The following NCAM2 variants were observed in gnomAD, a reference collection of about 807,000 sequenced individuals.
NCAM2 encodes the protein N-CAM-2.
A neutral mutation model predicts 98.1 loss-of-function variants in NCAM2; 30 were observed. The ratio of observed to expected loss-of-function variants is 0.31; its 90% confidence interval spans 0.23 to 0.41. The LOEUF (loss-of-function observed/expected upper bound fraction) is 0.41, where lower values mean the gene tolerates loss of function less well. Ranked by LOEUF, NCAM2 falls within the 10% of genes least tolerant of loss-of-function variation. NCAM2 has a pLI of 1.00. For missense variants in NCAM2, 867 were observed against 1,005.8 expected, an observed-to-expected ratio of 0.86 and a Z score of 1.87; for synonymous variants, 368 against 342.4, an observed-to-expected ratio of 1.07 and a Z score of -0.83.
At chr21:21,323,660 A>G (rs985048566) in intron 5 of NCAM2, among the ~76,000 whole-genome samples, 2 of 152,202 alleles carry the variant, frequency 1.3e-5, no homozygotes, top group African/African-American at 4.8e-5. Context: ...CAGTTTCAAC[A>G]TGTTCCAAAT....
chr21:21,030,481 T>A (rs1186484276), intron 1 of NCAM2, among the ~76,000 whole-genome samples: 2 of 152,216 alleles, frequency 1.3e-5, no homozygotes, highest in East Asian at 3.8e-4. Flanking sequence ...TTTTAAGGGC[T>A]CTTGGGATTG....
At chr21:21,051,316 C>T (rs911740332) in intron 1 of NCAM2, among the ~76,000 whole-genome samples, 10 of 152,168 alleles carry the variant, frequency 6.6e-5, no homozygotes, top group African/African-American at 9.7e-5. Flanking sequence ...ACTTCTCCTT[C>T]CCAATTCTGC....
chr21:21,413,415 A>T (rs537625071), intron 10 of NCAM2, among the ~76,000 whole-genome samples: 16 of 152,332 alleles, frequency 1.1e-4, no homozygotes, highest in Admixed American at 2.6e-4. Flanking sequence ...TTATATTTAG[A>T]TATTCAAAAC....
intron 1 of NCAM2, among the ~76,000 whole-genome samples, chr21:21,241,790 A>T (rs1452973348): frequency 6.6e-6 from 1 of 152,102 alleles, no homozygotes; most frequent in African/African-American, 2.4e-5. Context: ...GGGTCTGCAT[A>T]GAGAACATTT....
chr21:21,515,267 C>T (rs1602539039), intron 16 of NCAM2, among the ~76,000 whole-genome samples: 1 of 152,090 alleles, frequency 6.6e-6, no homozygotes, highest in East Asian at 1.9e-4. Context: ...TGGTGTTCTG[C>T]ACGAGTCCAA....
chr21:21,467,428 T>TATATATATATATATA (rs1555902035), intron 13 of NCAM2, among the ~76,000 whole-genome samples: 34 of 140,730 alleles, frequency 2.4e-4, no homozygotes, highest in African/African-American at 9.4e-4. Context: ...ATATATCTTT[T>TATATATATATATATA]TATATATATA....
chr21:21,072,289 G>A (rs1328355282), intron 1 of NCAM2, among the ~76,000 whole-genome samples: 4 of 152,084 alleles, frequency 2.6e-5, no homozygotes, highest in Non-Finnish European at 5.9e-5. Flanking sequence ...CATAACCCAT[G>A]TTGGCTTCTT....
intron 1 of NCAM2, among the ~76,000 whole-genome samples, chr21:21,275,618 TTG>T (rs1280447414): frequency 6.6e-6 from 1 of 152,130 alleles, no homozygotes; most frequent in African/African-American, 2.4e-5. Context: ...TCAATAACCC[TTG>T]TGTCAACAGA....
chr21:21,525,437 C>T (rs373886832), intron 16 of NCAM2, among the ~76,000 whole-genome samples: 7 of 152,154 alleles, frequency 4.6e-5, no homozygotes, highest in Non-Finnish European at 1.0e-4. Context: ...AGAAATTCCT[C>T]AAAAGGCGCA....
intron 1 of NCAM2, among the ~76,000 whole-genome samples, chr21:21,187,646 C>T (rs1420261669): frequency 6.6e-6 from 1 of 152,154 alleles, no homozygotes; most frequent in African/African-American, 2.4e-5. Context: ...AGAACTATGA[C>T]ATGACATAAA....
At chr21:21,471,586 G>C (rs774893386) in intron 14 of NCAM2, among the ~76,000 whole-genome samples, 2 of 151,992 alleles carry the variant, frequency 1.3e-5, no homozygotes, top group Admixed American at 6.6e-5. Context: ...TTCACTTCTT[G>C]ATTTCTTCTT....
intron 1 of NCAM2, among the ~76,000 whole-genome samples, chr21:21,074,942 G>A (rs1001717109): frequency 3.3e-5 from 5 of 152,034 alleles, no homozygotes; most frequent in African/African-American, 1.2e-4. Flanking sequence ...TAACCCAAAT[G>A]CCCATCAGTG....
Position 21,515,302 on chromosome 21 carries a change from A to G in NCAM2, c.2282+6247A>G, listed in dbSNP as rs549814469. Among the ~76,000 whole-genome samples, 372 of 152,298 alleles carry G rather than the reference A, an allele frequency of 2.4e-3. 2 individuals carry two copies. The highest frequency in any genetic ancestry group is 4.1e-3 in the Non-Finnish European group (279 of 68,026). Reference sequence around the variant, plus strand: ...AAGAGGGCTATTCATGAGGGTCATGACACCACTTGACTTGTGAGAAAATGA... The same window carrying G: ...AAGAGGGCTATTCATGAGGGTCATGGCACCACTTGACTTGTGAGAAAATGA... On this transcript the variant is annotated intron_variant, in intron 16 of 17. Transcript: ENST00000400546.
At chr21:21,476,534 GT>G (rs1985191826) in intron 14 of NCAM2, among the ~76,000 whole-genome samples, 1 of 151,740 alleles carries the variant, frequency 6.6e-6, no homozygotes, top group Non-Finnish European at 1.5e-5. Context: ...TAATCACACT[GT>G]TTTAGATAAT....
At position 21,268,145 on chromosome 21, in the gene NCAM2, C is replaced by T. The variant is rs1601821229; in HGVS notation, c.56-12433C>T. Among the ~76,000 whole-genome samples, 3 of 152,236 alleles carry T rather than the reference C, an allele frequency of 2.0e-5. No individual in the cohort carries two copies. In the South Asian group the frequency reaches 6.2e-4, roughly 32 times the overall value. On this transcript the variant is annotated intron_variant, in intron 1 of 17. Transcript: ENST00000400546. Reference sequence around the variant, plus strand: ...ATGACTCGGTCTAAGTCAAGGGGCTCCCTCATGTTGCCATGGCACCATCTC... The same window carrying T: ...ATGACTCGGTCTAAGTCAAGGGGCTTCCTCATGTTGCCATGGCACCATCTC...
At chr21:21,424,700 G>T (rs1037498530) in intron 11 of NCAM2, among the ~76,000 whole-genome samples, 3 of 152,092 alleles carry the variant, frequency 2.0e-5, no homozygotes, top group African/African-American at 7.2e-5. Flanking sequence ...AATGTGCTTA[G>T]AGAGGTAGAG....
At chr21:21,093,933 A>G (rs1021464388) in intron 1 of NCAM2, among the ~76,000 whole-genome samples, 3 of 151,990 alleles carry the variant, frequency 2.0e-5, no homozygotes, top group Non-Finnish European at 4.4e-5. Context: ...TAATTTTCTC[A>G]AGGAAACATT....
chr21:21,063,362 A>G (rs986334493), intron 1 of NCAM2, among the ~76,000 whole-genome samples: 1 of 151,674 alleles, frequency 6.6e-6, no homozygotes, highest in East Asian at 1.9e-4. Flanking sequence ...CTGGGTCTAC[A>G]GGCATGCGCC....
At chr21:21,394,877 AT>A (rs949034721) in intron 9 of NCAM2, among the ~76,000 whole-genome samples, 26 of 152,230 alleles carry the variant, frequency 1.7e-4, no homozygotes, top group Admixed American at 9.8e-4. Flanking sequence ...ATGTGGGTGT[AT>A]TTCTCATCTT....
Sources: allele counts gnomAD v4.1 joint callset (sites outside exome capture counted in the v4.1 genomes callset), GRCh38; gene constraint gnomAD v4.1.1; transcripts MANE v1.5; gene names NCBI Gene and HGNC (gene_info 2026-07-23, HGNC 2026-07-21).